The following FTO variants were observed in gnomAD, a reference collection of about 807,000 sequenced individuals.
The protein encoded by FTO is FTO alpha-ketoglutarate dependent dioxygenase.
In FTO, 47 loss-of-function variants were observed where a neutral mutation model predicts 63.9. That is an observed-to-expected ratio of 0.74 (90% CI 0.58 to 0.94). The LOEUF is 0.94. Ranked by LOEUF, FTO falls within the 40% of genes least tolerant of loss-of-function variation. FTO has a pLI of 0.00. For synonymous variants in FTO, 207 were observed against 224.4 expected (o/e 0.92, Z 0.69); for missense variants, 562 against 618.1 (o/e 0.91, Z 0.96).
At chr16:54,064,013 T>A (rs2085658265) in intron 8 of FTO, 1 of 135,902 alleles carries the variant, frequency 7.4e-6, no homozygotes, top group South Asian at 2.5e-4. Flanking sequence ...GTCCTATTCC[T>A]TTATTATTTT....
intron 4 of FTO, among the ~76,000 whole-genome samples, chr16:53,845,185 T>C (rs969076423): frequency 6.6e-6 from 1 of 152,240 alleles, no homozygotes; most frequent in African/African-American, 2.4e-5. Flanking sequence ...CAGGGTTTAT[T>C]CTCTACTTGG....
chr16:53,734,161 T>A (rs1319761625), intron 1 of FTO, among the ~76,000 whole-genome samples: 3 of 152,244 alleles, frequency 2.0e-5, no homozygotes, highest in Admixed American at 6.5e-5. Flanking sequence ...TTCTTTTTTC[T>A]TAAGACATGA....
intron 1 of FTO, among the ~76,000 whole-genome samples, chr16:53,801,846 A>G (rs534646952): frequency 6.6e-6 from 1 of 150,666 alleles, no homozygotes; most frequent in Admixed American, 6.6e-5. Context: ...TGCAACCTCC[A>G]CCTCCCAGGT....
intron 8 of FTO, among the ~76,000 whole-genome samples, chr16:53,975,979 G>A (rs188599872): frequency 6.6e-6 from 1 of 152,246 alleles, no homozygotes; most frequent in Admixed American, 6.5e-5. Flanking sequence ...CCTGCCACCA[G>A]AGTCTTTGCT....
rs151263395 is a variant in FTO, at chr16:53,826,018, C to T, written c.278C>T (p.Pro93Leu). 49 of 1,614,040 alleles carry T rather than the reference C, an allele frequency of 3.0e-5. No individual in the cohort carries two copies. The highest frequency in any genetic ancestry group is 6.7e-5 in the Admixed American group (4 of 59,996). The change falls in exon 3 of 9, where the codon CCG becomes CTG. Residue 93 changes from proline (P) to leucine (L), a missense_variant. Physicochemically the swap from Pro to Leu is moderately conservative, Grantham distance 98 (BLOSUM62 -3). Coordinates refer to ENST00000471389, the MANE Select transcript of FTO (RefSeq NM_001080432.3). ...VRIQGKDLLT[P>L]VSRILIGNPG... is the part of the protein sequence containing the mutation. ...ATCCAAGGCAAAGATCTGCTCACTC[C>T]GGTATCTCGCATCCTCATTGGTAAT...
At chr16:53,853,556 A>C (rs909740240) in intron 4 of FTO, among the ~76,000 whole-genome samples, 2 of 152,092 alleles carry the variant, frequency 1.3e-5, no homozygotes, top group African/African-American at 2.4e-5. Flanking sequence ...GCCCACTTAC[A>C]AGTGAGAACA....
intron 1 of FTO, among the ~76,000 whole-genome samples, chr16:53,789,839 T>TAA (rs2151683284): frequency 6.7e-6 from 1 of 148,642 alleles, no homozygotes; most frequent in East Asian, 2.0e-4. Context: ...TGTATGTATA[T>TAA]TCCAGACAAA....
chr16:54,040,958 C>T (rs967617160), intron 8 of FTO, among the ~76,000 whole-genome samples: 2 of 152,086 alleles, frequency 1.3e-5, no homozygotes, highest in Non-Finnish European at 2.9e-5. Context: ...TATTCTTCCA[C>T]ATTGAGTGTA....
chr16:54,006,387 A>C (rs768798505), intron 8 of FTO, among the ~76,000 whole-genome samples: 35 of 152,308 alleles, frequency 2.3e-4, no homozygotes, highest in Middle Eastern at 6.8e-3. Context: ...TCCTTTTCGG[A>C]TGGTAGTTCA....
At chr16:53,849,714 A>T (rs2079731014) in intron 4 of FTO, among the ~76,000 whole-genome samples, 1 of 152,180 alleles carries the variant, frequency 6.6e-6, no homozygotes, top group Non-Finnish European at 1.5e-5. Flanking sequence ...ATGTGGTCTA[A>T]ACTGTAAATT....
At chr16:53,924,691 C>T (rs116383266) in intron 7 of FTO, among the ~76,000 whole-genome samples, 1 of 152,122 alleles carries the variant, frequency 6.6e-6, no homozygotes, top group Non-Finnish European at 1.5e-5. Flanking sequence ...GGTGTTATCT[C>T]TTAGCCGAGG....
chr16:53,780,729 T>C (rs2077567418), intron 1 of FTO, among the ~76,000 whole-genome samples: 1 of 152,176 alleles, frequency 6.6e-6, no homozygotes, highest in Non-Finnish European at 1.5e-5. Context: ...GAGTTTCTGC[T>C]ATTAGACTGT....
intron 7 of FTO, among the ~76,000 whole-genome samples, chr16:53,900,388 A>G (rs1161209519): frequency 6.6e-6 from 1 of 152,146 alleles, no homozygotes. Flanking sequence ...ATTCTCAAAA[A>G]AAGGGCAATG....
chr16:53,799,737 G>T (rs980521565), intron 1 of FTO, among the ~76,000 whole-genome samples: 2 of 152,156 alleles, frequency 1.3e-5, no homozygotes, highest in African/African-American at 4.8e-5. Flanking sequence ...AAATGGCAGC[G>T]TTCCTGGTAC....
chr16:53,773,525 C>CT (rs1389373854), intron 1 of FTO, among the ~76,000 whole-genome samples: 2 of 152,116 alleles, frequency 1.3e-5, no homozygotes, highest in Non-Finnish European at 2.9e-5. Flanking sequence ...GGCCTGTTAA[C>CT]TATGCTTATT....
rs72805618 is a variant in FTO at position 53,805,887 on chromosome 16, C to T, written c.46-4253C>T. Among the ~76,000 whole-genome samples the T allele has an allele frequency of 0.038, 5,805 of 152,244 alleles. 486 individuals carry two copies. In the East Asian group the frequency reaches 0.4, roughly 10 times the overall value. On this transcript the variant is annotated intron_variant, in intron 1 of 8. Transcript: ENST00000471389. ...CTGAGGCTTCACGCTCTCTCTGGCT[C>T]TCCGTGTGGCATTTGTGAGCAGCTT...
intron 7 of FTO, among the ~76,000 whole-genome samples, chr16:53,919,967 T>C (rs8053694): frequency 0.26 from 38,880 of 151,992 alleles, 6,621 homozygotes; most frequent in African/African-American, 0.49. Flanking sequence ...ACCACCTGTT[T>C]CCCAAAACCT....
rs57782663 is a variant in FTO, at chr16:54,105,771, CTGTGTGTGTGTGTGTGTG to C, written c.1365-5965_1365-5948del. Among the ~76,000 whole-genome samples, 5 of 138,078 alleles carry C rather than the reference CTGTGTGTGTGTGTGTGTG, an allele frequency of 3.6e-5. No individual in the cohort carries two copies. In the South Asian group the frequency reaches 7.7e-4, roughly 21 times the overall value. 90.6% of individuals were successfully genotyped at this position (138,078 alleles called of 152,430 possible). A position where few individuals can be genotyped will look rare whatever the true frequency, so the allele number is the denominator to read the frequency against. ...TAATATTTCTCCATCAAGTTCTAGTCTGTGTGTGTGTGTGTGTGTGTGTGTGTGTGTGTGTGTGTGTGT... is the reference window on the plus strand; with the variant it reads ...TAATATTTCTCCATCAAGTTCTAGTCTGTGTGTGTGTGTGTGTGTGTGTGT... On this transcript the variant is annotated intron_variant, in intron 8 of 8. Coordinates refer to ENST00000471389, the MANE Select transcript of FTO (RefSeq NM_001080432.3).
intron 7 of FTO, among the ~76,000 whole-genome samples, chr16:53,921,488 G>A (rs898701838): frequency 6.6e-6 from 1 of 152,304 alleles, no homozygotes; most frequent in African/African-American, 2.4e-5. Context: ...TAACAGTTAG[G>A]ACAACGAACA....
Sources: gnomAD v4.1 joint callset for allele counts (sites outside exome capture counted in the v4.1 genomes callset) on GRCh38, gnomAD v4.1.1 for gene constraint, MANE v1.5 for transcripts, NCBI Gene and HGNC (gene_info 2026-07-23, HGNC 2026-07-21) for gene names.